The following NPHS1 variants were observed in gnomAD, a reference collection of about 807,000 sequenced individuals.
NPHS1 encodes nephrin.
Under a neutral mutation model 139.7 loss-of-function variants are expected in NPHS1, and 107 were observed. That is an observed-to-expected ratio of 0.77 (90% CI 0.66 to 0.90). NPHS1 has a LOEUF of 0.90. Among genes scored for constraint, NPHS1 ranks in the 40% least tolerant of loss-of-function variants. The pLI is 0.00. For missense variants in NPHS1, 1,580 were observed against 1,654.2 expected (o/e 0.96, Z 0.78); for synonymous variants, 707 against 706.6 (o/e 1.00, Z -0.01).
chr19:35,835,015 T>C (rs1387824568), intron 23 of NPHS1, among the ~76,000 whole-genome samples: 2 of 150,896 alleles, frequency 1.3e-5, no homozygotes, highest in African/African-American at 4.9e-5. Flanking sequence ...CTGGCCAACA[T>C]GGTGAAACCC....
chr19:35,849,776 C>T lies in NPHS1; in HGVS notation c.609-123G>A. On this transcript the variant is annotated intron_variant, in intron 5 of 28. Transcript: ENST00000378910. The stretch of plus-strand genomic sequence containing the variant: ...TGGTCTAAGTCCCCATGCTGATCTC[C>T]TCTGGGATCCAGGGTTCCATGGGAG... The T allele has an allele frequency of 5.4e-6, 4 of 742,624 alleles. No homozygotes were observed. In the South Asian group the frequency reaches 5.8e-5, roughly 11 times the overall value. The allele number at this position is 742,624 out of a possible 1,614,324, so 46.0% of individuals were successfully genotyped here. A position where few individuals can be genotyped will look rare whatever the true frequency, so the allele number is the denominator to read the frequency against.
Position 35,851,365 on chromosome 19 carries a change from G to A in NPHS1, c.294C>T (p.Ile98=), listed in dbSNP as rs2285450. 20,111 of 1,613,202 alleles carry A rather than the reference G, an allele frequency of 0.012. 1,183 individuals are homozygous for A. In the East Asian group the frequency reaches 0.15, roughly 12 times the overall value. Residue 98 remains isoleucine, a synonymous_variant, in exon 3 of 29, where the codon ATC becomes ATT. Transcript: ENST00000378910. ...DPARGEFHLH[I]EACDLSDDAE... is the part of the protein sequence containing the mutation. Reference sequence around the variant, plus strand: ...CGTCATCGCTGAGGTCACAGGCCTCGATGTGCAGGTGGAATTCACCTGCAG... The same window carrying A: ...CGTCATCGCTGAGGTCACAGGCCTCAATGTGCAGGTGGAATTCACCTGCAG...
chr19:35,830,530 C>T (rs1201888168), intron 28 of NPHS1, among the ~76,000 whole-genome samples: 4 of 152,264 alleles, frequency 2.6e-5, no homozygotes, highest in Non-Finnish European at 4.4e-5. Context: ...CTGGCTCAGC[C>T]TCCTGAGTAG....
At position 35,852,118 on chromosome 19, in the gene NPHS1, G is replaced by A. The variant is rs768634685; in HGVS notation, c.-281C>T. Among the ~76,000 whole-genome samples the A allele has an allele frequency of 6.5e-5, 9 of 138,860 alleles. No homozygotes were observed. Among genetic ancestry groups the A allele is most frequent in the Non-Finnish European group, 1.2e-4 (8 of 65,266 alleles). The allele number at this position is 138,860 out of a possible 152,430, so 91.1% of individuals were successfully genotyped here. On this transcript the variant is annotated 5_prime_UTR_variant, in exon 1 of 29. Transcript: ENST00000378910. ...TTTTCTTTTTTTTTTTTTTAGAGACGGGGTCTCACTATGTTGGCCAGGTTG... is the reference window on the plus strand; with the variant it reads ...TTTTCTTTTTTTTTTTTTTAGAGACAGGGTCTCACTATGTTGGCCAGGTTG...
At position 35,842,544 on chromosome 19, in the gene NPHS1, C is replaced by T. The variant is rs1225201439; in HGVS notation, c.2341G>A (p.Asp781Asn). 3 of 1,614,118 alleles carry T rather than the reference C, an allele frequency of 1.9e-6. No homozygotes were observed. The highest frequency in any genetic ancestry group is 1.1e-5 in the South Asian group (1 of 91,082). The change falls in exon 18 of 29, where the codon GAT (aspartate) becomes AAT (asparagine). Residue 781 changes from aspartate (D) to asparagine (N), a missense_variant. Coordinates refer to ENST00000378910, the MANE Select transcript of NPHS1 (RefSeq NM_004646.4). ...GMFNWERLGE[D>N]EEDQSLDDME... ...TCATCCAGGCTCTGGTCCTCCTCAT[C>T]TTCTCCCTGGAGGCCCAAGAGTCCA...
Position 35,852,304 on chromosome 19 carries a change from G to GTCTC in NPHS1, c.-471_-468dup, listed in dbSNP as rs139954720. Among the ~76,000 whole-genome samples the GTCTC allele has an allele frequency of 1.2e-4, 18 of 145,168 alleles. No homozygotes were observed. Among genetic ancestry groups the GTCTC allele is most frequent in the East Asian group, 1.2e-3 (6 of 4,974 alleles). On this transcript the variant is annotated 5_prime_UTR_variant, in exon 1 of 29. Transcript: ENST00000378910. The stretch of plus-strand genomic sequence containing the variant: ...TGTCTCTGTCTCTTCCTCTCTCTCT[G>GTCTC]TCTCTCTCTCTCTCTCTCTCTCAAT...
rs191913775 is a variant in NPHS1 at position 35,835,221 on chromosome 19, A to C, written c.3166+484T>G. On this transcript the variant is annotated intron_variant, in intron 23 of 28. Transcript: ENST00000378910. ...TCTCAAAAAAAAAAAAAAAAAAAAG[A>C]AAGAAAGAAAGAAAAAAGAGGAAGC... Among the ~76,000 whole-genome samples, 31 of 146,416 alleles carry C rather than the reference A, an allele frequency of 2.1e-4. No individual in the cohort carries two copies. The East Asian group carries it at 6.0e-3, about 28-fold the overall frequency.
chr19:35,835,856 G>C, intron 22 of NPHS1, 95 bp from the exon 23 acceptor site: 1 of 1,088,300 alleles, frequency 9.2e-7, no homozygotes, highest in Non-Finnish European at 1.4e-6. Flanking sequence ...TTAGATTCAT[G>C]GGAACTGGTA....
chr19:35,843,712 T>A, intron 16 of NPHS1, 119 bp from the exon 17 acceptor site: 1 of 1,313,758 alleles, frequency 7.6e-7, no homozygotes, highest in African/African-American at 1.5e-5. Context: ...GTGGACACAA[T>A]CTGCCCTTAA....
intron 6 of NPHS1, 44 bp from the exon 7 acceptor site, chr19:35,849,407 A>C (rs1340211048): frequency 1.2e-6 from 2 of 1,602,164 alleles, no homozygotes; most frequent in Non-Finnish European, 1.7e-6. Flanking sequence ...TAGCCCATCC[A>C]CTCTTTCCAG....
At chr19:35,830,486 C>T (rs932382505) in intron 28 of NPHS1, among the ~76,000 whole-genome samples, 9 of 152,206 alleles carry the variant, frequency 5.9e-5, no homozygotes, top group African/African-American at 1.9e-4. Context: ...CATGGCTCAC[C>T]GCAGCCTCCA....
In NPHS1 at chr19:35,826,581, A is replaced by G; in HGVS notation, c.3659T>C (p.Val1220Ala). 5 of 1,613,998 alleles carry G rather than the reference A, an allele frequency of 3.1e-6. No homozygotes were observed. The highest frequency in any genetic ancestry group is 3.4e-6 in the Non-Finnish European group (4 of 1,179,998). ...TTCCAGAGTGTCCAAGTCTCCGGCC[A>G]CCTGGTCATAGATTCCTCTTGGATC... is the stretch of plus-strand genomic sequence containing the variant. ...YQDPRGIYDQ[V>A]AGDLDTLEPD... The change falls in exon 29 of 29, where the codon GTG becomes GCG. Residue 1220 changes from valine to alanine, a missense_variant. By Grantham distance (64) the Val-to-Ala change is moderately conservative. Coordinates refer to ENST00000378910, the MANE Select transcript of NPHS1 (RefSeq NM_004646.4).
rs1175169673 is a variant in NPHS1, at chr19:35,833,970, G to A, written c.3166+1735C>T. 2.6e-5 allele frequency among the ~76,000 whole-genome samples: 4 copies of A among 152,240 alleles called. No individual in the cohort carries two copies. In the East Asian group the frequency reaches 7.7e-4, roughly 29 times the overall value. On this transcript the variant is annotated intron_variant, in intron 23 of 28. Coordinates refer to ENST00000378910, the MANE Select transcript of NPHS1 (RefSeq NM_004646.4). ...ACCTGCCTCAGCCTCCCAAAGTTCC[G>A]GGATTATAGGCATGAGCCACTGTGC...
intron 14 of NPHS1, among the ~76,000 whole-genome samples, chr19:35,844,872 C>A (rs561886222): frequency 6.6e-6 from 1 of 152,268 alleles, no homozygotes; most frequent in Admixed American, 6.5e-5. Context: ...CGCCTATAAT[C>A]CCAGCACTTT....
chr19:35,843,762 T>G, intron 16 of NPHS1, 169 bp from the exon 17 acceptor site: 1 of 803,672 alleles, frequency 1.2e-6, no homozygotes, highest in Non-Finnish European at 2.0e-6. Context: ...GTTGGTGAGG[T>G]TGTCTCCACC....
chr19:35,842,620 T>C (rs1228067466), intron 17 of NPHS1, 70 bp from the exon 18 acceptor site: 1 of 1,494,962 alleles, frequency 6.7e-7, no homozygotes, highest in East Asian at 2.3e-5. Context: ...AAATTGTCCC[T>C]TCTGTAGCCT....
At chr19:35,850,764 G>C (rs1973231863) in intron 4 of NPHS1, among the ~76,000 whole-genome samples, 197 bp downstream of exon 4, 1 of 152,190 alleles carries the variant, frequency 6.6e-6, no homozygotes, top group South Asian at 2.1e-4. Context: ...TGTGCTGGTT[G>C]CTGCCGCCCT....
chr19:35,844,144 G>C lies in NPHS1; in HGVS notation c.2171C>G (p.Ser724Cys), dbSNP rs386833905. ...CAGCCGCGCTTCCGCGGTGCCCTCA[G>C]AGTTCTGGCAGTGCAGCTGATAGAG... Reference protein sequence around the residue: ...DGLYQLHCQNSEGTAEARLRL... With the variant: ...DGLYQLHCQNCEGTAEARLRL... Residue 724 changes from serine (S) to cysteine (C), a missense_variant, in exon 16 of 29, where the codon TCT (serine) becomes TGT (cysteine). Ser to Cys is a moderately radical substitution (Grantham distance 112). Transcript: ENST00000378910. 1 of 1,609,812 alleles carries C rather than the reference G, an allele frequency of 6.2e-7. No individual in the cohort carries two copies. The highest frequency in any genetic ancestry group is 8.5e-7 in the Non-Finnish European group (1 of 1,180,004).
chr19:35,831,872 G>A, intron 23 of NPHS1, 110 bp from the exon 24 acceptor site: 1 of 1,180,150 alleles, frequency 8.5e-7, no homozygotes, highest in Non-Finnish European at 1.2e-6. Flanking sequence ...CAGGGTCAGA[G>A]AAACAGATGG....
Sources: allele counts gnomAD v4.1 joint callset (sites outside exome capture counted in the v4.1 genomes callset), GRCh38; gene constraint gnomAD v4.1.1; transcripts MANE v1.5; gene names NCBI Gene and HGNC (gene_info 2026-07-23, HGNC 2026-07-21).